ZNF469: variants seen among roughly 807,000 people sequenced by gnomAD.
The protein encoded by ZNF469 is zinc finger protein 469.
ZNF469 carries 1 observed loss-of-function variant against 1.0 expected under a neutral mutation model. That is an observed-to-expected ratio of 1.00 (90% CI 0.35 to 4.73). The LOEUF is 4.73. Among genes scored for constraint, ZNF469 ranks in the 30% most tolerant of loss-of-function variants. The pLI is 0.16. For missense variants in ZNF469, 6,100 were observed against 5,356.3 expected, an observed-to-expected ratio of 1.14 and a Z score of -4.33; for synonymous variants, 2,703 against 2,363.4, an observed-to-expected ratio of 1.14 and a Z score of -4.17.
the ZNF469 span, among the ~76,000 whole-genome samples, chr16:88,296,651 C>T: frequency 6.6e-6 from 1 of 152,100 alleles, no homozygotes; most frequent in Non-Finnish European, 1.5e-5. Flanking sequence ...TACACACATG[C>T]ACAGACATGC....
rs1285422154 is a variant in ZNF469 at position 88,435,508 on chromosome 16, T to C, written c.8038T>C (p.Ser2680Pro). The C allele has an allele frequency of 2.6e-6, 4 of 1,549,388 alleles. No individual in the cohort carries two copies. Among genetic ancestry groups the C allele is most frequent in the Non-Finnish European group, 3.5e-6 (4 of 1,146,966 alleles). The part of the protein sequence containing the change: ...SYAASPSHCL[S>P]VEGGPEADGE... ...CGCAGCCTCTCCGAGCCACTGCCTC[T>C]CTGTGGAAGGAGGGCCTGAGGCTGA... is the stretch of plus-strand genomic sequence containing the variant. The change falls in exon 3 of 3, where the codon TCT becomes CCT. Residue 2680 changes from serine (S) to proline (P), a missense_variant. Physicochemically the swap from Ser to Pro is moderately conservative, Grantham distance 74. Coordinates refer to ENST00000565624, the MANE Select transcript of ZNF469 (RefSeq NM_001367624.2).
the ZNF469 span, among the ~76,000 whole-genome samples, chr16:88,185,232 C>T: frequency 3.9e-5 from 6 of 151,986 alleles, no homozygotes; most frequent in South Asian, 4.2e-4. Context: ...CATTCACACA[C>T]GGGCACACCC....
chr16:88,216,493 C>CAAA, the ZNF469 span, among the ~76,000 whole-genome samples: 18 of 136,662 alleles, frequency 1.3e-4, no homozygotes, highest in South Asian at 4.7e-4. Flanking sequence ...GACTCCGTCT[C>CAAA]AAAAAAAAAA....
the ZNF469 span, among the ~76,000 whole-genome samples, chr16:88,199,015 G>T: frequency 6.6e-6 from 1 of 152,184 alleles, no homozygotes; most frequent in Non-Finnish European, 1.5e-5. Flanking sequence ...TCTGCAGGCC[G>T]TGTTTGAGGT....
the ZNF469 span, among the ~76,000 whole-genome samples, chr16:88,259,477 C>T: frequency 1.3e-5 from 2 of 152,306 alleles, no homozygotes; most frequent in East Asian, 1.9e-4. This position sits in a 1 kb window ranked among gnomAD's most constrained non-coding sequence, Gnocchi z 4.1. Context: ...CATGCTTCTC[C>T]TCCGCTGCAG....
chr16:88,126,804 C>A, the ZNF469 span, among the ~76,000 whole-genome samples: 2 of 151,426 alleles, frequency 1.3e-5, no homozygotes, highest in Non-Finnish European at 2.9e-5. Context: ...TAGGCATGCA[C>A]CACCATACCC....
rs1567500412 is a variant in ZNF469, at chr16:88,397,622, T to TATAAATAA, written c.-192+14368_-192+14369insATAAATAA. On this transcript the variant is annotated intron_variant, in intron 1 of 2. Coordinates refer to ENST00000565624, the MANE Select transcript of ZNF469 (RefSeq NM_001367624.2). ...TATGTGTGATGGATGGATGGATGGG[T>TATAAATAA]GGATGGATGGATGGATGGATGGATA... Among the ~76,000 whole-genome samples the TATAAATAA allele has an allele frequency of 3.3e-3, 483 of 144,652 alleles. 4 individuals are homozygous for TATAAATAA. Among genetic ancestry groups the TATAAATAA allele is most frequent in the African/African-American group, 0.012 (462 of 38,858 alleles). The allele number at this position is 144,652 out of a possible 152,430, so 94.9% of individuals were successfully genotyped here.
At chr16:88,325,611 G>A in the ZNF469 span, among the ~76,000 whole-genome samples, 3 of 152,246 alleles carry the variant, frequency 2.0e-5, no homozygotes, top group South Asian at 2.1e-4. Context: ...TGGTAGAGCT[G>A]GAAGGGCCTC....
chr16:88,380,541 TAACA>T (rs2092519404), upstream of ZNF469, among the ~76,000 whole-genome samples: 4 of 73,788 alleles, frequency 5.4e-5, no homozygotes, highest in Non-Finnish European at 8.1e-5. Context: ...ACACACGCAC[TAACA>T]CAGACATGCA....
At chr16:88,112,772 C>CTTTTTTTTT in the ZNF469 span, among the ~76,000 whole-genome samples, 46 of 73,482 alleles carry the variant, frequency 6.3e-4, 2 homozygotes, top group Admixed American at 8.6e-4. Context: ...TGTGCAGAAG[C>CTTTTTTTTT]TTTTTTTTTT....
chr16:88,396,929 CG>C (rs1567500209), intron 1 of ZNF469, among the ~76,000 whole-genome samples: 2,287 of 131,326 alleles, frequency 0.017, 1 homozygote, highest in African/African-American at 0.021. Context: ...GGAGGAGACC[CG>C]TCTGAAGGGA....
At chr16:88,395,237 AGATGGATG>A (rs750119902) in intron 1 of ZNF469, among the ~76,000 whole-genome samples, 2,318 of 35,764 alleles carry the variant, frequency 0.065, 63 homozygotes, top group African/African-American at 0.25. Context: ...GTGGATGGGT[AGATGGATG>A]GATGGATGGA....
chr16:88,216,152 G>T, the ZNF469 span, among the ~76,000 whole-genome samples: 2 of 151,678 alleles, frequency 1.3e-5, no homozygotes, highest in African/African-American at 4.8e-5. Flanking sequence ...GATGATTTTC[G>T]CTAGGCATAT....
the ZNF469 span, among the ~76,000 whole-genome samples, chr16:88,216,686 T>C: frequency 1.3e-5 from 2 of 152,198 alleles, no homozygotes; most frequent in East Asian, 3.8e-4. Context: ...ATGCTTCTGA[T>C]TGAAAGGGTT....
chr16:88,194,897 G>A, the ZNF469 span: 1 of 152,292 alleles, frequency 6.6e-6, no homozygotes, highest in African/African-American at 2.4e-5. Flanking sequence ...GGAATCGGTG[G>A]GGCTGGTCCA....
chr16:88,363,079 G>A, the ZNF469 span, among the ~76,000 whole-genome samples: 1 of 151,902 alleles, frequency 6.6e-6, no homozygotes. Flanking sequence ...CTATTTTTCT[G>A]TTGAGGCTTT....
the ZNF469 span, among the ~76,000 whole-genome samples, chr16:88,253,829 G>A: frequency 1.4e-3 from 217 of 152,194 alleles, 1 homozygote; most frequent in Non-Finnish European, 2.8e-3. Flanking sequence ...GTGCACCACC[G>A]CGCCCAGCCC....
chr16:88,107,418 G>C, the ZNF469 span, among the ~76,000 whole-genome samples: 1 of 152,226 alleles, frequency 6.6e-6, no homozygotes, highest in East Asian at 1.9e-4. Context: ...AAAACCATCA[G>C]CTCTCACAAG....
chr16:88,288,514 T>C, the ZNF469 span, among the ~76,000 whole-genome samples: 1 of 152,242 alleles, frequency 6.6e-6, no homozygotes, highest in Non-Finnish European at 1.5e-5. Flanking sequence ...CATCACTCTC[T>C]TGACATTTAT....
Sources: allele counts gnomAD v4.1 joint callset (sites outside exome capture counted in the v4.1 genomes callset), GRCh38; gene constraint gnomAD v4.1.1; non-coding constraint Gnocchi (gnomAD v3.1); transcripts MANE v1.5; gene names NCBI Gene and HGNC (gene_info 2026-07-23, HGNC 2026-07-21).